HMGB1: variants seen among roughly 807,000 people sequenced by gnomAD.
HMGB1 encodes high mobility group box 1, also known as high mobility group protein B1.
For synonymous variants in HMGB1, 81 were observed against 84.0 expected, an observed-to-expected ratio of 0.96 and a Z score of 0.19; for missense variants, 79 against 253.5, an observed-to-expected ratio of 0.31 and a Z score of 4.67.
intron 1 of HMGB1, among the ~76,000 whole-genome samples, chr13:30,487,170 C>T (rs544839475): frequency 5.3e-5 from 8 of 152,292 alleles, no homozygotes; most frequent in Non-Finnish European, 1.2e-4. Flanking sequence ...GTGTCTTTTT[C>T]TCCAACACTT....
rs183098804 is a variant in HMGB1, at chr13:30,502,747, C to T, written c.-14-39053G>A. Among the ~76,000 whole-genome samples the T allele has an allele frequency of 2.0e-3, 304 of 152,166 alleles. 1 individual carries two copies. The highest frequency in any genetic ancestry group is 3.7e-3 in the Non-Finnish European group (251 of 68,022). On this transcript the variant is annotated intron_variant, in intron 1 of 4. Coordinates refer to the HMGB1 transcript ENST00000405805. ...AATCCCGGCTCACTGCAACCTCCAC[C>T]TCACTGCAACCTCTGCCTCCTGGAT...
At chr13:30,530,552 T>A (rs564258756) in intron 1 of HMGB1, among the ~76,000 whole-genome samples, 1 of 152,340 alleles carries the variant, frequency 6.6e-6, no homozygotes, top group South Asian at 2.1e-4. Flanking sequence ...ATCTGCTCAC[T>A]GAAGTGTGCA....
chr13:30,539,221 T>C (rs1868747246), intron 1 of HMGB1, among the ~76,000 whole-genome samples: 1 of 152,306 alleles, frequency 6.6e-6, no homozygotes, highest in African/African-American at 2.4e-5. Context: ...TTACTGAAGA[T>C]CAATTCTCCC....
intron 1 of HMGB1, among the ~76,000 whole-genome samples, chr13:30,605,325 A>G (rs1950446972): frequency 6.6e-6 from 1 of 152,186 alleles, no homozygotes; most frequent in Non-Finnish European, 1.5e-5. Flanking sequence ...ATTTAAAGCT[A>G]TACAACAGGA....
intron 1 of HMGB1, among the ~76,000 whole-genome samples, chr13:30,535,638 C>T (rs1013549635): frequency 6.6e-6 from 1 of 152,190 alleles, no homozygotes; most frequent in Non-Finnish European, 1.5e-5. Flanking sequence ...GCCTGTAATC[C>T]CAGCACTTTG....
chr13:30,601,565 GA>G (rs1950401578), intron 1 of HMGB1, among the ~76,000 whole-genome samples: 1 of 47,160 alleles, frequency 2.1e-5, no homozygotes, highest in South Asian at 6.3e-4. Flanking sequence ...CTAAAACGGT[GA>G]AACCCCGTCT....
At chr13:30,570,059 ACAGCG>A (rs1870362724) in intron 1 of HMGB1, among the ~76,000 whole-genome samples, 1 of 152,210 alleles carries the variant, frequency 6.6e-6, no homozygotes, top group Non-Finnish European at 1.5e-5. Flanking sequence ...TGATGGGTCA[ACAGCG>A]ATTTCTTTGT....
chr13:30,580,533 A>G (rs1368662893), intron 1 of HMGB1, among the ~76,000 whole-genome samples: 2 of 152,212 alleles, frequency 1.3e-5, no homozygotes, highest in African/African-American at 4.8e-5. Flanking sequence ...CAAAAAAAAG[A>G]AATTTATTGA....
At position 30,460,194 on chromosome 13, in the gene HMGB1, T is replaced by C. The variant is rs1005929241; in HGVS notation, c.*1163A>G. The C allele has an allele frequency of 2.0e-5, 3 of 152,578 alleles. No homozygotes were observed. Among genetic ancestry groups the C allele is most frequent in the Non-Finnish European group, 4.4e-5 (3 of 67,994 alleles). 9.5% of individuals were successfully genotyped at this position (152,578 alleles called of 1,614,324 possible). A position where few individuals can be genotyped will look rare whatever the true frequency, so the allele number is the denominator to read the frequency against. On this transcript the variant is annotated 3_prime_UTR_variant, in exon 5 of 5. Coordinates refer to ENST00000341423, the MANE Select transcript of HMGB1 (RefSeq NM_002128.7). ...ATGCAAAGTTTGTCTTCTTTCTTCC[T>C]ATCTACTTGGATTTATAAAGGGGCA...
chr13:30,505,399 C>G (rs186428049), intron 1 of HMGB1, among the ~76,000 whole-genome samples: 5 of 151,018 alleles, frequency 3.3e-5, no homozygotes, highest in African/African-American at 1.2e-4. Context: ...AGGATGGTCT[C>G]CATCTCCTGA....
chr13:30,462,496 C>A, intron 4 of HMGB1, 42 bp downstream of exon 4: 4 of 1,461,678 alleles, frequency 2.7e-6, no homozygotes, highest in Non-Finnish European at 2.9e-6. Context: ...ATACATCTGG[C>A]GTACTTGTCA....
At chr13:30,544,119 T>C (rs1249628324) in intron 1 of HMGB1, among the ~76,000 whole-genome samples, 1 of 152,240 alleles carries the variant, frequency 6.6e-6, no homozygotes, top group Non-Finnish European at 1.5e-5. Context: ...TTACCCACCC[T>C]GGCAGGTCCT....
intron 1 of HMGB1, among the ~76,000 whole-genome samples, chr13:30,555,044 T>G (rs1378026628): frequency 3.7e-5 from 5 of 136,694 alleles, no homozygotes; most frequent in Admixed American, 7.4e-5. Flanking sequence ...TTTTTTTTTT[T>G]TTTTTTTTTT....
intron 1 of HMGB1, among the ~76,000 whole-genome samples, chr13:30,491,793 T>A (rs1038197991): frequency 6.6e-6 from 1 of 151,624 alleles, no homozygotes. Flanking sequence ...AGAGGAGAAG[T>A]CTTAGGACAA....
At chr13:30,606,787 G>A (rs1252092296) in intron 1 of HMGB1, among the ~76,000 whole-genome samples, 1 of 152,180 alleles carries the variant, frequency 6.6e-6, no homozygotes, top group Admixed American at 6.5e-5. Flanking sequence ...CAATGCTTAT[G>A]GTTAGAATTC....
At chr13:30,560,295 G>A (rs1556428) in intron 1 of HMGB1, among the ~76,000 whole-genome samples, 108,606 of 152,090 alleles carry the variant, frequency 0.71, 43,158 homozygotes, top group East Asian at 0.96. Flanking sequence ...AGTGTCTAAT[G>A]CCACGAAGGC....
At position 30,465,210 on chromosome 13, in the gene HMGB1, C is replaced by G. The variant is rs1366964108; in HGVS notation, c.-15+586G>C. Reference sequence around the variant, plus strand: ...CGCCGCCCGGCCGCCGCCGCCGCCGCGACCGGGCCGAGGCCGGCCGGGCCC... The same window carrying G: ...CGCCGCCCGGCCGCCGCCGCCGCCGGGACCGGGCCGAGGCCGGCCGGGCCC... On this transcript the variant is annotated intron_variant, in intron 1 of 4. Coordinates refer to ENST00000341423, the MANE Select transcript of HMGB1 (RefSeq NM_002128.7). The G allele has an allele frequency of 3.9e-6, 3 of 760,708 alleles. No homozygotes were observed. In the African/African-American group the frequency reaches 5.9e-5, roughly 15 times the overall value. The allele number at this position is 760,708 out of a possible 1,614,324, so 47.1% of individuals were successfully genotyped here. A position where few individuals can be genotyped will look rare whatever the true frequency, so the allele number is the denominator to read the frequency against.
upstream of HMGB1, among the ~76,000 whole-genome samples, chr13:30,469,189 C>G (rs2137417349): frequency 6.6e-6 from 1 of 152,280 alleles, no homozygotes; most frequent in South Asian, 2.1e-4. Flanking sequence ...TGGTACCCGG[C>G]CAAGTTATTG....
intron 1 of HMGB1, among the ~76,000 whole-genome samples, chr13:30,541,353 A>T (rs1490026966): frequency 6.8e-6 from 1 of 146,348 alleles, no homozygotes; most frequent in Non-Finnish European, 1.5e-5. Flanking sequence ...GAACAATCTC[A>T]TGTAAATATG....
Sources: allele counts gnomAD v4.1 joint callset (sites outside exome capture counted in the v4.1 genomes callset), GRCh38; gene constraint gnomAD v4.1.1; transcripts MANE v1.5; gene names NCBI Gene and HGNC (gene_info 2026-07-23, HGNC 2026-07-21).